Variants in ERO1B observed in about 807,000 individuals in gnomAD.
The protein encoded by ERO1B is ERO1-like protein beta.
Under a neutral mutation model 75.3 loss-of-function variants are expected in ERO1B, and 49 were observed. That is an observed-to-expected ratio of 0.65 (90% confidence interval 0.52 to 0.83). The LOEUF (loss-of-function observed/expected upper bound fraction) is 0.83. ERO1B is among the 40% of genes least tolerant of loss of function. ERO1B has a pLI of 0.00. For synonymous variants in ERO1B, 191 were observed against 192.9 expected, an observed-to-expected ratio of 0.99 and a Z score of 0.08; for missense variants, 512 against 560.1, an observed-to-expected ratio of 0.91 and a Z score of 0.87.
rs1558514336 is a variant in ERO1B at position 236,247,686 on chromosome 1, G to C, written c.431+2199C>G. On this transcript the variant is annotated intron_variant, in intron 5 of 15. Coordinates refer to ENST00000354619, the MANE Select transcript of ERO1B (RefSeq NM_019891.4). ...TATAATTGCTTTCAAGGCTCTACAA[G>C]ATCTCTACCCACCCCACCTCCTGCC... is the stretch of plus-strand genomic sequence containing the variant. 3.3e-5 allele frequency among the ~76,000 whole-genome samples: 5 copies of C among 152,154 alleles called. No homozygotes were observed. The South Asian group carries it at 1.0e-3, about 32-fold the overall frequency.
chr1:236,260,619 C>T (rs2812468), intron 2 of ERO1B, among the ~76,000 whole-genome samples: 36,894 of 149,990 alleles, frequency 0.25, 4,688 homozygotes, highest in East Asian at 0.38. Flanking sequence ...GAGCCGAGAT[C>T]GCGCCACTGC....
At chr1:236,275,108 G>A (rs1311047420) in intron 1 of ERO1B, among the ~76,000 whole-genome samples, 1 of 152,206 alleles carries the variant, frequency 6.6e-6, no homozygotes, top group Non-Finnish European at 1.5e-5. Flanking sequence ...TAAGATTTTA[G>A]CTTTTACTGA....
At chr1:236,276,150 G>A (rs886221091) in intron 1 of ERO1B, among the ~76,000 whole-genome samples, 1 of 152,188 alleles carries the variant, frequency 6.6e-6, no homozygotes, top group Non-Finnish European at 1.5e-5. Context: ...GGGGAAGACT[G>A]TGGAAAAAGC....
chr1:236,232,947 C>T, intron 8 of ERO1B, 108 bp from the exon 9 acceptor site: 1 of 916,146 alleles, frequency 1.1e-6, no homozygotes, highest in Admixed American at 2.9e-5. Context: ...ATATCACAAA[C>T]CTTGGTCACT....
chr1:236,266,555 G>T (rs932531468), intron 2 of ERO1B, among the ~76,000 whole-genome samples: 1 of 151,618 alleles, frequency 6.6e-6, no homozygotes, highest in South Asian at 2.1e-4. Context: ...AGTGAACCAA[G>T]ATCGTACCAC....
rs140913432 is a variant in ERO1B at position 236,237,640 on chromosome 1, T to C, written c.506-1242A>G. Reference sequence around the variant, plus strand: ...TTTATATGCTTACTACCGTTTGTTGTCATGAATTTAAACAATAGTACAGAG... The same window carrying C: ...TTTATATGCTTACTACCGTTTGTTGCCATGAATTTAAACAATAGTACAGAG... On this transcript the variant is annotated intron_variant, in intron 6 of 15. Transcript: ENST00000354619. 6.3e-3 allele frequency among the ~76,000 whole-genome samples: 960 copies of C among 152,290 alleles called. 10 individuals carry two copies. Among genetic ancestry groups the C allele is most frequent in the African/African-American group, 0.022 (920 of 41,548 alleles).
At chr1:236,220,116 TTAAGAAAACCAAGAAATA>T (rs1664102250) in intron 15 of ERO1B, 1 of 150,998 alleles carries the variant, frequency 6.6e-6, no homozygotes, top group Non-Finnish European at 1.5e-5. Flanking sequence ...AAAACACATG[TTAAGAAAACCAAGAAATA>T]ATCTTTGTAT....
At chr1:236,238,662 C>G (rs1400358643) in intron 6 of ERO1B, among the ~76,000 whole-genome samples, 1 of 150,748 alleles carries the variant, frequency 6.6e-6, no homozygotes, top group African/African-American at 2.4e-5. Flanking sequence ...ATCTGCAAAA[C>G]TGAATTATAT....
rs1314019914 is a variant in ERO1B at position 236,217,808 on chromosome 1, T to C, written c.*708A>G. 6.6e-6 allele frequency: 1 copy of C among 152,116 alleles called. No individual in the cohort carries two copies. 9.4% of individuals were successfully genotyped at this position (152,116 alleles called of 1,614,324 possible). ...GGGCCAGCCCATTACACACACAAAA[T>C]CTGGCTGGGTAGCATAGGGGAGAGG... On this transcript the variant is annotated 3_prime_UTR_variant, in exon 16 of 16. Transcript: ENST00000354619.
intron 2 of ERO1B, among the ~76,000 whole-genome samples, chr1:236,257,345 C>T (rs929592126): frequency 6.6e-6 from 1 of 152,090 alleles, no homozygotes; most frequent in African/African-American, 2.4e-5. Flanking sequence ...TAGTAATACT[C>T]ACCATCTGAG....
intron 9 of ERO1B, among the ~76,000 whole-genome samples, chr1:236,231,880 C>G (rs371733188): frequency 6.6e-6 from 1 of 152,112 alleles, no homozygotes. Context: ...TAGTACCCAA[C>G]GTACTAAAAA....
chr1:236,244,669 T>G (rs1464247089), intron 5 of ERO1B, among the ~76,000 whole-genome samples: 2 of 152,220 alleles, frequency 1.3e-5, no homozygotes, highest in Non-Finnish European at 2.9e-5. Context: ...GAGGCTTTGC[T>G]GATTCTTTCA....
At position 236,216,266 on chromosome 1, in the gene ERO1B, A is replaced by G. The variant is rs1291766032; in HGVS notation, c.*2250T>C. ...TGATGAGATAAAGACAAAATGCCAG[A>G]GCACCAGCAAAGCATTTTTACAATG... On this transcript the variant is annotated 3_prime_UTR_variant, in exon 16 of 16. Transcript: ENST00000354619. The G allele has an allele frequency of 1.3e-5, 2 of 152,180 alleles. No individual in the cohort carries two copies. Among genetic ancestry groups the G allele is most frequent in the Non-Finnish European group, 2.9e-5 (2 of 68,006 alleles). The allele number at this position is 152,180 out of a possible 1,614,324, so 9.4% of individuals were successfully genotyped here.
At chr1:236,237,795 A>G (rs1664579714) in intron 6 of ERO1B, among the ~76,000 whole-genome samples, 1 of 152,180 alleles carries the variant, frequency 6.6e-6, no homozygotes, top group South Asian at 2.1e-4. Context: ...ATTATCCATG[A>G]TCACAAGGGC....
intron 5 of ERO1B, among the ~76,000 whole-genome samples, chr1:236,245,316 A>ACG (rs1664821241): frequency 5.2e-5 from 1 of 19,412 alleles, no homozygotes; most frequent in Non-Finnish European, 1.6e-4. Context: ...ATATATATAT[A>ACG]TATATACACA....
chr1:236,229,246 G>A (rs12024195), intron 10 of ERO1B, among the ~76,000 whole-genome samples: 11,739 of 152,000 alleles, frequency 0.077, 865 homozygotes, highest in East Asian at 0.39. Context: ...CCAACACGGC[G>A]AAACCTCATC....
intron 2 of ERO1B, among the ~76,000 whole-genome samples, chr1:236,264,759 C>T (rs1442376839): frequency 6.6e-6 from 1 of 152,026 alleles, no homozygotes; most frequent in African/African-American, 2.4e-5. Context: ...GCAGGAGAAT[C>T]ACTTGAACCC....
chr1:236,264,741 G>C (rs1001827569), intron 2 of ERO1B, among the ~76,000 whole-genome samples: 4 of 152,016 alleles, frequency 2.6e-5, no homozygotes, highest in African/African-American at 9.7e-5. Flanking sequence ...CTACTTGGGA[G>C]CCCTGAGGCA....
At position 236,245,130 on chromosome 1, in the gene ERO1B, T is replaced by C. The variant is rs532136492; in HGVS notation, c.432-1635A>G. On this transcript the variant is annotated intron_variant, in intron 5 of 15. Coordinates refer to ENST00000354619, the MANE Select transcript of ERO1B (RefSeq NM_019891.4). ...TCAGCCTCCCAAGTAGCTCGAACTA[T>C]AGACATACGCCAACACATCCAGCTA... Among the ~76,000 whole-genome samples, 4 of 150,818 alleles carry C rather than the reference T, an allele frequency of 2.7e-5. No homozygotes were observed. The East Asian group carries it at 7.9e-4, about 30-fold the overall frequency.
Sources: allele counts gnomAD v4.1 joint callset (sites outside exome capture counted in the v4.1 genomes callset), GRCh38; gene constraint gnomAD v4.1.1; transcripts MANE v1.5; gene names NCBI Gene and HGNC (gene_info 2026-07-23, HGNC 2026-07-21).